Variants in TPRA1 observed in about 807,000 individuals in gnomAD.
TPRA1 encodes transmembrane protein adipocyte associated 1.
In TPRA1, 28 loss-of-function variants were observed where a neutral mutation model predicts 40.1. That is an observed-to-expected ratio of 0.70 (90% CI 0.52 to 0.96). TPRA1 has a LOEUF of 0.96. Among genes scored for constraint, TPRA1 ranks in the 40% least tolerant of loss-of-function variants. TPRA1 has a pLI of 0.00. For missense variants in TPRA1, 441 were observed against 482.6 expected (o/e 0.91, Z 0.81); for synonymous variants, 219 against 209.7 (o/e 1.04, Z -0.38).
At position 127,576,899 on chromosome 3, in the gene TPRA1, C is replaced by T. The variant is rs372317270; in HGVS notation, c.346-6G>A. On this transcript the variant is annotated splice_region_variant and splice_polypyrimidine_tract_variant and intron_variant, in intron 4 of 10. Coordinates refer to ENST00000355552, the MANE Select transcript of TPRA1 (RefSeq NM_001136053.4). This position sits in a 1 kb window ranked among gnomAD's most constrained non-coding sequence, Gnocchi z 4.6. ...CGGGTGATCTCCCACAGGATCTGCA[C>T]GCAGAGTGGGCACAGCGTCAGCCTG... 12 of 1,613,690 alleles carry T rather than the reference C, an allele frequency of 7.4e-6. No homozygotes were observed. Among genetic ancestry groups the T allele is most frequent in the Admixed American group, 5.0e-5 (3 of 60,004 alleles).
rs775597346 is a variant in TPRA1 at position 127,575,220 on chromosome 3, C to T, written c.819G>A (p.Pro273=). Residue 273 remains proline (P), a synonymous_variant, in exon 10 of 11, where the codon CCG becomes CCA. Transcript: ENST00000355552. ...TTFLYFSFFA[P]LIYVAFLRGF... ...CCCGGAGGAAAGCCACGTAGATGAGCGGAGCGAAGAAGCTGAAGTACAGGA... is the reference window on the plus strand; with the variant it reads ...CCCGGAGGAAAGCCACGTAGATGAGTGGAGCGAAGAAGCTGAAGTACAGGA... 1.9e-6 allele frequency: 3 copies of T among 1,614,048 alleles called. No homozygotes were observed. The highest frequency in any genetic ancestry group is 1.3e-5 in the African/African-American group (1 of 75,064).
At chr3:127,583,207 G>A (rs555636788) in intron 1 of TPRA1, among the ~76,000 whole-genome samples, 1 of 151,984 alleles carries the variant, frequency 6.6e-6, no homozygotes, top group Admixed American at 6.5e-5. Context: ...CAGCTACTCA[G>A]GAGGCTGAGG....
intron 1 of TPRA1, among the ~76,000 whole-genome samples, chr3:127,580,858 C>T (rs551942152): frequency 3.3e-5 from 5 of 152,336 alleles, no homozygotes; most frequent in African/African-American, 9.6e-5. Context: ...TGGAGATGGG[C>T]ATGGGGGAAG....
chr3:127,574,083 T>C (rs2073480662), intron 10 of TPRA1, among the ~76,000 whole-genome samples: 1 of 152,166 alleles, frequency 6.6e-6, no homozygotes, highest in African/African-American at 2.4e-5. Context: ...TCATGAGGCT[T>C]CAACAGTGCC....
intron 8 of TPRA1, 91 bp from the exon 9 acceptor site, chr3:127,575,596 C>T: frequency 6.9e-7 from 1 of 1,456,332 alleles, no homozygotes; most frequent in East Asian, 2.4e-5. Context: ...CTGGTGTGTC[C>T]CCCGGGGCCC....
chr3:127,578,478 T>C (rs999201895), intron 3 of TPRA1, among the ~76,000 whole-genome samples: 1 of 152,240 alleles, frequency 6.6e-6, no homozygotes, highest in Admixed American at 6.5e-5. Flanking sequence ...CAAAAGTTGA[T>C]GGGCTGGGCC....
At chr3:127,584,033 A>G (rs2073918612) in intron 1 of TPRA1, among the ~76,000 whole-genome samples, 1 of 151,898 alleles carries the variant, frequency 6.6e-6, no homozygotes, top group Non-Finnish European at 1.5e-5. Flanking sequence ...GCACAAGTCT[A>G]GGTGGTTGGA....
chr3:127,580,281 A>C (rs1576377925), intron 1 of TPRA1, 118 bp from the exon 2 acceptor site: 2 of 1,145,154 alleles, frequency 1.7e-6, no homozygotes, highest in Non-Finnish European at 1.2e-6. Flanking sequence ...CCTGTAAACC[A>C]CCCTCCCCAC....
At chr3:127,589,586 C>T (rs2074105112) in intron 1 of TPRA1, among the ~76,000 whole-genome samples, 1 of 152,136 alleles carries the variant, frequency 6.6e-6, no homozygotes, top group Non-Finnish European at 1.5e-5. Flanking sequence ...GGCCTGGGCC[C>T]AATCTGACCT....
rs776849918 is a variant in TPRA1, at chr3:127,580,121, C to G, written c.26G>C (p.Trp9Ser). The stretch of plus-strand genomic sequence containing the variant: ...GGGTAGCGCTGTGCTCCCATTGGCC[C>G]AAGTCACCTCCTCCAGGGTGTCCAT... MDTLEEVT[W>S]ANGSTALPPP... The change falls in exon 2 of 11, where the codon TGG (tryptophan) becomes TCG (serine). Residue 9 changes from tryptophan to serine, a missense_variant. Coordinates refer to ENST00000355552, the MANE Select transcript of TPRA1 (RefSeq NM_001136053.4). 3 of 1,613,308 alleles carry G rather than the reference C, an allele frequency of 1.9e-6. No individual in the cohort carries two copies. The highest frequency in any genetic ancestry group is 2.5e-6 in the Non-Finnish European group (3 of 1,179,980).
chr3:127,596,423 T>C (rs1271661876), intron 1 of TPRA1, among the ~76,000 whole-genome samples: 1 of 152,192 alleles, frequency 6.6e-6, no homozygotes, highest in Non-Finnish European at 1.5e-5. Context: ...CACAAGCCCA[T>C]GCAGAGTCTC....
chr3:127,575,020 G>A (rs2073538236), intron 10 of TPRA1, 165 bp downstream of exon 10: 3 of 715,364 alleles, frequency 4.2e-6, no homozygotes, highest in Non-Finnish European at 7.0e-6. Context: ...CTGTGTGCAT[G>A]TGCATGTGTA....
At position 127,575,763 on chromosome 3, in the gene TPRA1, C is replaced by T. The variant is rs755524151; in HGVS notation, c.656G>A (p.Arg219His). Residue 219 changes from arginine (R) to histidine (H), a missense_variant, in exon 8 of 11, where the codon CGC becomes CAC. Arg to His is a conservative substitution (Grantham distance 29). Transcript: ENST00000355552. Reference sequence around the variant, plus strand: ...CAGCTGCTCACAAGGCAGGGAGATGCGCTCCTTCAGCGGGGTCTTGGGAAG... The same window carrying T: ...CAGCTGCTCACAAGGCAGGGAGATGTGCTCCTTCAGCGGGGTCTTGGGAAG... The part of the protein sequence containing the change: ...VILPKTPLKE[R>H]ISLPSRRSFY... 12 of 1,613,678 alleles carry T rather than the reference C, an allele frequency of 7.4e-6. No homozygotes were observed. Among genetic ancestry groups the T allele is most frequent in the East Asian group, 4.5e-5 (2 of 44,864 alleles).
At position 127,573,676 on chromosome 3, in the gene TPRA1, C is replaced by T. The variant is rs1303912324; in HGVS notation, c.967G>A (p.Ala323Thr). 2 of 1,613,650 alleles carry T rather than the reference C, an allele frequency of 1.2e-6. No homozygotes were observed. Among genetic ancestry groups the T allele is most frequent in the Non-Finnish European group, 1.7e-6 (2 of 1,179,984 alleles). The change falls in exon 11 of 11, where the codon GCA becomes ACA. Residue 323 changes from alanine to threonine, a missense_variant. Ala to Thr is a moderately conservative substitution (Grantham distance 58). Transcript: ENST00000355552. Reference sequence around the variant, plus strand: ...GCAGCTGAGGCCCCAGCAGCCCCTGCAGCCTCCAGGCCCTCCCGCCGGGCC... The same window carrying T: ...GCAGCTGAGGCCCCAGCAGCCCCTGTAGCCTCCAGGCCCTCCCGCCGGGCC... ...AVARREGLEA[A>T]GAAGASAASY...
chr3:127,573,532 T>C lies in TPRA1; in HGVS notation c.1111A>G (p.Ile371Val). ...CCTGGCAGCTGCCCTCAGGCATTGATGGCCTTCCAGCGCTCGCTGTCTGTG... is the reference window on the plus strand; with the variant it reads ...CCTGGCAGCTGCCCTCAGGCATTGACGGCCTTCCAGCGCTCGCTGTCTGTG... Reference protein sequence around the residue: ...NSTDSERWKAINA With the variant: ...NSTDSERWKAVNA The change falls in exon 11 of 11, where the codon ATC (isoleucine) becomes GTC (valine). Residue 371 changes from isoleucine to valine, a missense_variant. Transcript: ENST00000355552. 1 of 1,611,518 alleles carries C rather than the reference T, an allele frequency of 6.2e-7. No homozygotes were observed. The highest frequency in any genetic ancestry group is 8.5e-7 in the Non-Finnish European group (1 of 1,179,060).
Position 127,576,155 on chromosome 3 carries a change from T to G in TPRA1, c.499-105A>C. 2 of 886,848 alleles carry G rather than the reference T, an allele frequency of 2.3e-6. No homozygotes were observed. Among genetic ancestry groups the G allele is most frequent in the Non-Finnish European group, 3.6e-6 (2 of 554,038 alleles). 54.9% of individuals were successfully genotyped at this position (886,848 alleles called of 1,614,324 possible). A position where few individuals can be genotyped will look rare whatever the true frequency, so the allele number is the denominator to read the frequency against. ...CCCCTAAGCTCTCCACCACACCAAG[T>G]TCAGCCTCTTGGCCTGACCCTCAAC... On this transcript the variant is annotated intron_variant, in intron 6 of 10. Coordinates refer to ENST00000355552, the MANE Select transcript of TPRA1 (RefSeq NM_001136053.4). This position sits in a 1 kb window ranked among gnomAD's most constrained non-coding sequence, Gnocchi z 4.6.
At chr3:127,592,614 T>C (rs571364933), upstream of TPRA1, among the ~76,000 whole-genome samples, 14 of 151,772 alleles carry the variant, frequency 9.2e-5, no homozygotes, top group Non-Finnish European at 1.9e-4. Context: ...CTCGATCTCC[T>C]GACCTCATGA....
intron 1 of TPRA1, among the ~76,000 whole-genome samples, chr3:127,583,796 G>C (rs867981987): frequency 6.6e-6 from 1 of 151,308 alleles, no homozygotes; most frequent in Admixed American, 6.6e-5. Flanking sequence ...TCAGCCTCCC[G>C]AGTAGCTGGG....
At chr3:127,574,760 T>C (rs2073522492) in intron 10 of TPRA1, among the ~76,000 whole-genome samples, 1 of 152,270 alleles carries the variant, frequency 6.6e-6, no homozygotes, top group African/African-American at 2.4e-5. Context: ...TGTCTGTGTG[T>C]ACTGTACATA....
Sources: gnomAD v4.1 joint callset for allele counts (sites outside exome capture counted in the v4.1 genomes callset) on GRCh38, gnomAD v4.1.1 for gene constraint, Gnocchi (gnomAD v3.1) non-coding constraint, MANE v1.5 for transcripts, NCBI Gene and HGNC (gene_info 2026-07-23, HGNC 2026-07-21) for gene names.